WDR7: variants seen among roughly 807,000 people sequenced by gnomAD.
WDR7 encodes WD repeat-containing protein 7.
Under a neutral mutation model 169.4 loss-of-function variants are expected in WDR7, and 46 were observed. The ratio of observed to expected loss-of-function variants is 0.27; its 90% CI spans 0.21 to 0.35. WDR7 has a LOEUF of 0.35. Among genes scored for constraint, WDR7 ranks in the 10% least tolerant of loss-of-function variants. WDR7 has a pLI of 1.00. For synonymous variants in WDR7, 612 were observed against 666.8 expected (o/e 0.92, Z 1.27); for missense variants, 1,534 against 1,859.3 (o/e 0.83, Z 3.22).
In WDR7 at chr18:56,686,838, C is replaced by CA; in HGVS notation, c.598-14dup. The CA allele has an allele frequency of 1.0e-6, 1 of 1,001,044 alleles. No homozygotes were observed. Among genetic ancestry groups the CA allele is most frequent in the Non-Finnish European group, 1.4e-6 (1 of 693,104 alleles). 62.0% of individuals were successfully genotyped at this position (1,001,044 alleles called of 1,614,324 possible). ...CAATCATGCTATTCCTAAATTTTTACAAATCTTTCTTTTCAGGATACTGAG... is the reference window on the plus strand; with the variant it reads ...CAATCATGCTATTCCTAAATTTTTACAAAATCTTTCTTTTCAGGATACTGAG... On this transcript the variant is annotated splice_polypyrimidine_tract_variant and intron_variant, in intron 6 of 27. Coordinates refer to ENST00000254442, the MANE Select transcript of WDR7 (RefSeq NM_015285.3).
intron 14 of WDR7, among the ~76,000 whole-genome samples, chr18:56,748,636 CTTA>C (rs927973420): frequency 3.9e-5 from 6 of 152,004 alleles, no homozygotes; most frequent in South Asian, 2.1e-4. Flanking sequence ...CTAGTTTATG[CTTA>C]TTAACATACT....
chr18:56,968,524 T>G (rs578194387), intron 26 of WDR7, among the ~76,000 whole-genome samples: 2 of 152,260 alleles, frequency 1.3e-5, no homozygotes, highest in Non-Finnish European at 2.9e-5. Flanking sequence ...AAGATCTATC[T>G]ATATTTCTGT....
chr18:56,678,654 G>A (rs1440713272), intron 2 of WDR7, among the ~76,000 whole-genome samples: 3 of 151,998 alleles, frequency 2.0e-5, no homozygotes, highest in Non-Finnish European at 4.4e-5. Context: ...GCGCCACCAC[G>A]CCTGGCTAAT....
At chr18:56,813,128 T>C (rs898757831) in intron 19 of WDR7, among the ~76,000 whole-genome samples, 1 of 150,500 alleles carries the variant, frequency 6.6e-6, no homozygotes, top group Non-Finnish European at 1.5e-5. Flanking sequence ...CATGTATACA[T>C]ATGTAACTAA....
chr18:56,850,115 T>A (rs1417261205), intron 20 of WDR7, among the ~76,000 whole-genome samples: 1 of 152,222 alleles, frequency 6.6e-6, no homozygotes, highest in African/African-American at 2.4e-5. Flanking sequence ...GATGATTGAG[T>A]CTGAGCTCAG....
rs144768177 is a variant in WDR7 at position 56,879,006 on chromosome 18, C to T, written c.3305-938C>T. The stretch of plus-strand genomic sequence containing the variant: ...GGCAAATACTGCGATTACTTTTGCA[C>T]CAACCTAATACATTTTCTTTATTCT... On this transcript the variant is annotated intron_variant, in intron 20 of 27. Transcript: ENST00000254442. Among the ~76,000 whole-genome samples the T allele has an allele frequency of 1.4e-3, 210 of 152,302 alleles. 2 individuals are homozygous for T. The highest frequency in any genetic ancestry group is 3.4e-3 in the Middle Eastern group (1 of 294).
intron 25 of WDR7, among the ~76,000 whole-genome samples, chr18:56,959,527 G>A (rs529964942): frequency 3.9e-4 from 60 of 152,246 alleles, no homozygotes; most frequent in African/African-American, 1.4e-3. Context: ...GTTCAAACAT[G>A]AATATAAAAA....
intron 26 of WDR7, among the ~76,000 whole-genome samples, chr18:56,969,089 G>C (rs1462963769): frequency 6.6e-6 from 1 of 152,160 alleles, no homozygotes; most frequent in Non-Finnish European, 1.5e-5. Flanking sequence ...CAGTCTGCTA[G>C]ACATTTCCAT....
chr18:56,959,860 C>A (rs2047314794), intron 25 of WDR7, among the ~76,000 whole-genome samples: 1 of 152,150 alleles, frequency 6.6e-6, no homozygotes, highest in African/African-American at 2.4e-5. Flanking sequence ...TCTTGACAGA[C>A]CCTACATGGA....
At chr18:56,970,187 A>G (rs755403227) in intron 26 of WDR7, among the ~76,000 whole-genome samples, 18 of 150,726 alleles carry the variant, frequency 1.2e-4, no homozygotes, top group Admixed American at 1.1e-3. Context: ...ACACTACTTC[A>G]TACTGGCTAG....
chr18:56,708,892 G>A (rs777996191), intron 12 of WDR7, among the ~76,000 whole-genome samples: 2 of 152,128 alleles, frequency 1.3e-5, no homozygotes, highest in South Asian at 2.1e-4. Context: ...AGCCGAGATC[G>A]TGCCACTGTA....
intron 20 of WDR7, among the ~76,000 whole-genome samples, chr18:56,818,195 A>G (rs2045018657): frequency 6.6e-6 from 1 of 152,240 alleles, no homozygotes; most frequent in Admixed American, 6.5e-5. Flanking sequence ...AGCAAAAATA[A>G]ATTTGCCTTT....
chr18:56,702,962 A>G (rs1175699549), intron 12 of WDR7, among the ~76,000 whole-genome samples: 1 of 152,208 alleles, frequency 6.6e-6, no homozygotes, highest in African/African-American at 2.4e-5. Flanking sequence ...CGAAAAATAA[A>G]CTGTTTAGTA....
chr18:56,719,574 A>C (rs1482772081), intron 13 of WDR7, among the ~76,000 whole-genome samples: 2 of 152,036 alleles, frequency 1.3e-5, no homozygotes, highest in African/African-American at 2.4e-5. Context: ...AAAAAAAAAA[A>C]AAAAACAGAA....
chr18:56,922,721 A>C (rs1418789313), intron 21 of WDR7, among the ~76,000 whole-genome samples: 1 of 152,144 alleles, frequency 6.6e-6, no homozygotes, highest in Non-Finnish European at 1.5e-5. Flanking sequence ...CTGAGAAGAA[A>C]TTCAGAATCA....
intron 21 of WDR7, among the ~76,000 whole-genome samples, chr18:56,900,082 G>GTGTATATATATATA (rs1409730889): frequency 3.1e-4 from 10 of 32,056 alleles, no homozygotes; most frequent in African/African-American, 6.2e-4. Flanking sequence ...GTGTGTGTGT[G>GTGTATATATATATA]TATATATATA....
chr18:56,679,548 A>C, intron 3 of WDR7, 110 bp downstream of exon 3: 1 of 611,954 alleles, frequency 1.6e-6, no homozygotes. Flanking sequence ...TCCTAAATAA[A>C]TGCTTTGTAT....
intron 12 of WDR7, among the ~76,000 whole-genome samples, chr18:56,711,837 A>G (rs1034494741): frequency 5.9e-5 from 9 of 152,168 alleles, no homozygotes; most frequent in Non-Finnish European, 4.4e-5. Context: ...GTGATAAATG[A>G]TGCATCTTAA....
At chr18:56,874,697 G>C (rs949637190) in intron 20 of WDR7, among the ~76,000 whole-genome samples, 2 of 152,076 alleles carry the variant, frequency 1.3e-5, no homozygotes, top group Non-Finnish European at 2.9e-5. Context: ...TCTATTATCT[G>C]TGGACTCCTT....
Sources: gnomAD v4.1 joint callset for allele counts (sites outside exome capture counted in the v4.1 genomes callset) on GRCh38, gnomAD v4.1.1 for gene constraint, MANE v1.5 for transcripts, NCBI Gene and HGNC (gene_info 2026-07-23, HGNC 2026-07-21) for gene names.